Variants in C2CD2 observed in about 807,000 individuals in gnomAD.
The protein encoded by C2CD2 is C2 calcium dependent domain containing 2, also known as C2 domain-containing protein 2.
A neutral mutation model predicts 74.3 loss-of-function variants in C2CD2; 43 were observed. That is an observed-to-expected ratio of 0.58 (90% CI 0.45 to 0.75). The LOEUF is 0.75. C2CD2 is among the 30% of genes least tolerant of loss of function. The pLI, the probability that C2CD2 is intolerant of heterozygous loss-of-function variation, is 0.00. For missense variants in C2CD2, 801 were observed against 916.3 expected (o/e 0.87, Z 1.63); for synonymous variants, 422 against 390.7 (o/e 1.08, Z -0.94).
At chr21:41,950,975 T>G (rs2065445593) in intron 1 of C2CD2, among the ~76,000 whole-genome samples, 1 of 152,118 alleles carries the variant, frequency 6.6e-6, no homozygotes, top group Admixed American at 6.5e-5. Context: ...GGGGGAGCAC[T>G]AAGCTGTAGC....
In C2CD2 at chr21:41,953,598, C is replaced by T. The variant is rs918904887; in HGVS notation, c.51G>A (p.Ala17=). Residue 17 remains alanine (A), a synonymous_variant, in exon 1 of 14, where the codon GCG becomes GCA. Coordinates refer to ENST00000380486, the MANE Select transcript of C2CD2 (RefSeq NM_015500.2). Reference sequence around the variant, plus strand: ...GGGCCGCGACGAAGAGCGACACCAGCGCGAGCCACTGCGCCTCCCCGAGCC... The same window carrying T: ...GGGCCGCGACGAAGAGCGACACCAGTGCGAGCCACTGCGCCTCCCCGAGCC... ...GSWLGEAQWL[A]LVSLFVAALA... The T allele has an allele frequency of 2.7e-6, 4 of 1,492,224 alleles. No individual in the cohort carries two copies. In the African/African-American group the frequency reaches 4.4e-5, roughly 16 times the overall value. 92.4% of individuals were successfully genotyped at this position (1,492,224 alleles called of 1,614,324 possible). A position where few individuals can be genotyped will look rare whatever the true frequency, so the allele number is the denominator to read the frequency against.
At chr21:41,913,931 A>C (rs1454681871) in intron 6 of C2CD2, among the ~76,000 whole-genome samples, 2 of 151,952 alleles carry the variant, frequency 1.3e-5, no homozygotes, top group African/African-American at 4.8e-5. Flanking sequence ...ATGCCCATCA[A>C]CTCCCTACAT....
At position 41,899,334 on chromosome 21, in the gene C2CD2, G is replaced by A; in HGVS notation, c.1589C>T (p.Ala530Val). Residue 530 changes from alanine to valine, a missense_variant, in exon 13 of 14, where the codon GCC (alanine) becomes GTC (valine). By Grantham distance (64) the Ala-to-Val change is moderately conservative. Transcript: ENST00000380486. This position sits in a 1 kb window ranked among gnomAD's most constrained non-coding sequence, Gnocchi z 4.4. ...KTSLSQDHDA[A>V]LMQGYTASVD... ...AGAGGCCGTGTAGCCCTGCATCAGG[G>A]CAGCGTCGTGGTCCTGAGATAGTGA... 1 of 1,607,918 alleles carries A rather than the reference G, an allele frequency of 6.2e-7. No homozygotes were observed.
At chr21:41,896,188 T>C (rs1178048466) in intron 13 of C2CD2, among the ~76,000 whole-genome samples, 1 of 152,080 alleles carries the variant, frequency 6.6e-6, no homozygotes, top group Admixed American at 6.5e-5. Context: ...TTGAGAAAAA[T>C]AAGACAAAAA....
intron 6 of C2CD2, among the ~76,000 whole-genome samples, chr21:41,913,307 A>G (rs1322528536): frequency 6.6e-6 from 1 of 152,232 alleles, no homozygotes; most frequent in African/African-American, 2.4e-5. Context: ...TGCAGCACAA[A>G]GTCCCCAATA....
chr21:41,906,928 G>C, intron 10 of C2CD2, 64 bp downstream of exon 10: 1 of 1,311,800 alleles, frequency 7.6e-7, no homozygotes, highest in East Asian at 2.3e-5. Flanking sequence ...GCAGTTGTGG[G>C]GGCAAGGTGG....
intron 2 of C2CD2, among the ~76,000 whole-genome samples, chr21:41,930,750 C>T (rs1186003171): frequency 1.3e-5 from 2 of 149,890 alleles, no homozygotes; most frequent in South Asian, 2.1e-4. Context: ...TGAGGGTATT[C>T]GGTTACAATA....
intron 12 of C2CD2, 122 bp downstream of exon 12, chr21:41,901,500 T>A (rs2064896124): frequency 9.9e-7 from 1 of 1,009,384 alleles, no homozygotes; most frequent in Admixed American, 1.7e-5. Context: ...TAATTTGACA[T>A]TTGTAAATGG....
intron 1 of C2CD2, among the ~76,000 whole-genome samples, chr21:41,947,898 G>GA (rs1184185350): frequency 1.3e-5 from 2 of 152,210 alleles, no homozygotes; most frequent in Non-Finnish European, 2.9e-5. Flanking sequence ...ACGGGCTGAA[G>GA]AAGTGCCTTC....
chr21:41,886,418 A>G lies in C2CD2; in HGVS notation c.*2706T>C, dbSNP rs996376744. The stretch of plus-strand genomic sequence containing the variant: ...ACAAACCTGTATAAAACAGCTTGGA[A>G]AACAAACATTCACAGTATCAATACA... On this transcript the variant is annotated 3_prime_UTR_variant, in exon 14 of 14. Coordinates refer to ENST00000380486, the MANE Select transcript of C2CD2 (RefSeq NM_015500.2). The G allele has an allele frequency of 2.0e-5, 3 of 152,260 alleles. No homozygotes were observed. The highest frequency in any genetic ancestry group is 4.4e-5 in the Non-Finnish European group (3 of 68,044). 9.4% of individuals were successfully genotyped at this position (152,260 alleles called of 1,614,324 possible). A position where few individuals can be genotyped will look rare whatever the true frequency, so the allele number is the denominator to read the frequency against.
intron 4 of C2CD2, among the ~76,000 whole-genome samples, chr21:41,918,556 C>T (rs1422321336): frequency 6.6e-6 from 1 of 152,084 alleles, no homozygotes; most frequent in Non-Finnish European, 1.5e-5. Context: ...CCAATTAAAC[C>T]TGCATCTTGG....
rs8133175 is a variant in C2CD2 at position 41,892,642 on chromosome 21, T to C, written c.1871-3298A>G. On this transcript the variant is annotated intron_variant, in intron 13 of 13. Coordinates refer to ENST00000380486, the MANE Select transcript of C2CD2 (RefSeq NM_015500.2). This position sits in a 1 kb window ranked among gnomAD's most constrained non-coding sequence, Gnocchi z 4.6. ...TGGAGAATCTGGCATGATGGGGGTC[T>C]GGGGACACTGGGCATGAGCATTTTT... 0.72 allele frequency among the ~76,000 whole-genome samples: 109,788 copies of C among 152,130 alleles called. 39,862 individuals are homozygous for C. The highest frequency in any genetic ancestry group is 0.77 in the East Asian group (3,989 of 5,168).
chr21:41,928,544 C>CAAAAAAA (rs59346777), intron 2 of C2CD2, among the ~76,000 whole-genome samples: 157 of 72,252 alleles, frequency 2.2e-3, no homozygotes, highest in East Asian at 4.1e-3. Flanking sequence ...TAAAGCAAAG[C>CAAAAAAA]AAAAAAAAAA....
intron 1 of C2CD2, among the ~76,000 whole-genome samples, chr21:41,947,137 T>TCTCTCTCTCTCTCTCTCTCTCTCTCTCG (rs778013814): frequency 3.9e-5 from 1 of 25,638 alleles, no homozygotes; most frequent in Non-Finnish European, 8.9e-5. Context: ...TCTCTCTCTC[T>TCTCTCTCTCTCTCTCTCTCTCTCTCTCG]CTCCCTCCCT....
At chr21:41,912,001 G>A (rs917501187) in intron 7 of C2CD2, among the ~76,000 whole-genome samples, 1 of 151,970 alleles carries the variant, frequency 6.6e-6, no homozygotes, top group Non-Finnish European at 1.5e-5. Context: ...TGCACCCAGC[G>A]CCTTTTTCTA....
At chr21:41,905,013 A>T (rs2064943540) in intron 11 of C2CD2, among the ~76,000 whole-genome samples, 1 of 152,210 alleles carries the variant, frequency 6.6e-6, no homozygotes, top group Non-Finnish European at 1.5e-5. Flanking sequence ...AGTGGAAGGG[A>T]AAACTACTTC....
chr21:41,927,064 C>T (rs1309878603), intron 2 of C2CD2, among the ~76,000 whole-genome samples: 3 of 152,206 alleles, frequency 2.0e-5, no homozygotes, highest in African/African-American at 7.2e-5. Context: ...AACTGGGACT[C>T]AATTTAAAAA....
At chr21:41,915,007 T>G (rs2065072502) in intron 5 of C2CD2, among the ~76,000 whole-genome samples, 1 of 152,120 alleles carries the variant, frequency 6.6e-6, no homozygotes, top group East Asian at 1.9e-4. Context: ...TTCCCACAAC[T>G]TACTTACCAC....
rs55907107 is a variant in C2CD2 at position 41,889,081 on chromosome 21, C to A, written c.*43G>T. The A allele has an allele frequency of 2.4e-3, 3,580 of 1,469,846 alleles. 75 individuals are homozygous for A. The African/African-American group carries it at 0.044, about 18-fold the overall frequency. The allele number at this position is 1,469,846 out of a possible 1,614,324, so 91.1% of individuals were successfully genotyped here. A position where few individuals can be genotyped will look rare whatever the true frequency, so the allele number is the denominator to read the frequency against. On this transcript the variant is annotated 3_prime_UTR_variant, in exon 14 of 14. Coordinates refer to ENST00000380486, the MANE Select transcript of C2CD2 (RefSeq NM_015500.2). Reference sequence around the variant, plus strand: ...GCTGCGTCCTGGTGAGGGTAGTTAACATGGGTGCACGTCTTCTGGCTTGGA... The same window carrying A: ...GCTGCGTCCTGGTGAGGGTAGTTAAAATGGGTGCACGTCTTCTGGCTTGGA...
Sources: gnomAD v4.1 joint callset for allele counts (sites outside exome capture counted in the v4.1 genomes callset) on GRCh38, gnomAD v4.1.1 for gene constraint, Gnocchi (gnomAD v3.1) non-coding constraint, MANE v1.5 for transcripts, NCBI Gene and HGNC (gene_info 2026-07-23, HGNC 2026-07-21) for gene names.